Variants in EGFR observed in about 807,000 individuals in gnomAD.
The protein encoded by EGFR is avian erythroblastic leukemia viral (v-erb-b) oncogene homolog.
A neutral mutation model predicts 143.0 loss-of-function variants in EGFR; 58 were observed. The ratio of observed to expected loss-of-function variants is 0.41; its 90% confidence interval spans 0.33 to 0.50. The LOEUF (loss-of-function observed/expected upper bound fraction) is 0.50, where lower values mean the gene tolerates loss of function less well. Among genes scored for constraint, EGFR ranks in the 20% least tolerant of loss-of-function variants. EGFR has a pLI of 0.39. For missense variants in EGFR, 1,307 were observed against 1,579.0 expected (o/e 0.83, Z 2.92); for synonymous variants, 613 against 594.4 (o/e 1.03, Z -0.45).
At chr7:55,180,775 C>T (rs1288461047) in intron 19 of EGFR, 1 of 177,952 alleles carries the variant, frequency 5.6e-6, no homozygotes, top group African/African-American at 2.4e-5. Flanking sequence ...GCCTTTCTCC[C>T]TGCTGGCTCG....
chr7:55,164,356 G>A (rs1785861874), intron 14 of EGFR, among the ~76,000 whole-genome samples: 1 of 152,190 alleles, frequency 6.6e-6, no homozygotes. Context: ...AATTCTCAAT[G>A]TTATTATATA....
At chr7:55,181,956 T>C in intron 20 of EGFR, 1 of 243,050 alleles carries the variant, frequency 4.1e-6, no homozygotes, top group South Asian at 5.6e-5. Flanking sequence ...CAGCTGCTGC[T>C]GCTATGTGGC....
chr7:55,035,078 C>G (rs1787480866), intron 1 of EGFR, among the ~76,000 whole-genome samples: 1 of 152,058 alleles, frequency 6.6e-6, no homozygotes, highest in Admixed American at 6.5e-5. Context: ...AGGGAAGTGG[C>G]CTTCGAGCTT....
intron 1 of EGFR, among the ~76,000 whole-genome samples, chr7:55,029,616 C>T (rs941576136): frequency 1.3e-5 from 2 of 152,168 alleles, no homozygotes; most frequent in East Asian, 3.8e-4. Context: ...GTACCAAACA[C>T]ACTCAGTATT....
intron 15 of EGFR, 132 bp from the exon 16 acceptor site, chr7:55,171,043 A>C (rs1786325639): frequency 2.0e-6 from 3 of 1,521,548 alleles, no homozygotes; most frequent in Non-Finnish European, 2.6e-6. Flanking sequence ...TCCAACATCC[A>C]GACACATAGT....
chr7:55,138,950 C>T (rs1039665703), intron 1 of EGFR, among the ~76,000 whole-genome samples: 9 of 152,208 alleles, frequency 5.9e-5, no homozygotes, highest in African/African-American at 1.7e-4. Context: ...AGAGAAAAAG[C>T]GGGTTTAACT....
chr7:55,033,819 G>A (rs1787405658), intron 1 of EGFR, among the ~76,000 whole-genome samples: 1 of 152,194 alleles, frequency 6.6e-6, no homozygotes, highest in African/African-American at 2.4e-5. Context: ...CTTCCCTGGT[G>A]GGTCTCACTT....
At chr7:55,022,614 G>A (rs767379501) in intron 1 of EGFR, among the ~76,000 whole-genome samples, 1 of 152,120 alleles carries the variant, frequency 6.6e-6, no homozygotes, top group Non-Finnish European at 1.5e-5. Flanking sequence ...TTGAAGGGGG[G>A]GTGAGTTTTA....
At chr7:55,182,749 G>A (rs1076452) in intron 20 of EGFR, among the ~76,000 whole-genome samples, 84,665 of 151,962 alleles carry the variant, frequency 0.56, 24,227 homozygotes, top group Middle Eastern at 0.68. Context: ...AGTGGGGAGC[G>A]CTCATGCTTC....
Position 55,189,463 on chromosome 7 carries a change from G to A in EGFR, c.2470-2256G>A, listed in dbSNP as rs190911149. Among the ~76,000 whole-genome samples the A allele has an allele frequency of 3.5e-3, 537 of 152,308 alleles. 2 individuals carry two copies. Among genetic ancestry groups the A allele is most frequent in the African/African-American group, 8.8e-3 (364 of 41,562 alleles). On this transcript the variant is annotated intron_variant, in intron 20 of 27. Transcript: ENST00000275493. ...TCAGTTGTTCATTCTTCAACAGGCC[G>A]TTTTAAAAATGTGCCCAGTATACCA...
intron 15 of EGFR, chr7:55,170,188 G>A: frequency 6.4e-7 from 1 of 1,567,382 alleles, no homozygotes; most frequent in Non-Finnish European, 8.7e-7. Context: ...AAGAAGAGCA[G>A]TGTAGAGAAC....
intron 1 of EGFR, among the ~76,000 whole-genome samples, chr7:55,132,821 G>A (rs568681328): frequency 8.5e-5 from 13 of 152,136 alleles, no homozygotes; most frequent in Admixed American, 2.6e-4. Context: ...CTACCTTCGC[G>A]CTACTTTACT....
chr7:55,119,362 C>T (rs1793061816), intron 1 of EGFR: 1 of 152,210 alleles, frequency 6.6e-6, no homozygotes, highest in Admixed American at 6.5e-5. Context: ...GAAACCAACA[C>T]AATCTTCCGA....
At chr7:55,158,097 G>A (rs535260502) in intron 11 of EGFR, among the ~76,000 whole-genome samples, 3 of 152,126 alleles carry the variant, frequency 2.0e-5, no homozygotes, top group Non-Finnish European at 4.4e-5. Context: ...CTTACAAAAC[G>A]TGTGGGTCAG....
intron 1 of EGFR, among the ~76,000 whole-genome samples, chr7:55,093,842 A>G (rs1791279807): frequency 6.6e-6 from 1 of 152,192 alleles, no homozygotes; most frequent in Non-Finnish European, 1.5e-5. Flanking sequence ...TGCCTGAATC[A>G]TGCCTGGATG....
intron 1 of EGFR, among the ~76,000 whole-genome samples, chr7:55,099,116 G>A (rs558826266): frequency 3.3e-5 from 5 of 152,156 alleles, no homozygotes; most frequent in East Asian, 1.9e-4. Flanking sequence ...GTGCTCTCTC[G>A]TATCTCTCCT....
chr7:55,114,167 C>T (rs1199997250), intron 1 of EGFR, among the ~76,000 whole-genome samples: 1 of 152,194 alleles, frequency 6.6e-6, no homozygotes, highest in Non-Finnish European at 1.5e-5. Flanking sequence ...CATTTAGGAA[C>T]AATGATTATT....
In EGFR at chr7:55,048,159, A is replaced by G. The variant is rs186658661; in HGVS notation, c.88+28794A>G. Among the ~76,000 whole-genome samples the G allele has an allele frequency of 3.4e-3, 522 of 152,306 alleles. 2 individuals carry two copies. Among genetic ancestry groups the G allele is most frequent in the African/African-American group, 0.012 (508 of 41,558 alleles). On this transcript the variant is annotated intron_variant, in intron 1 of 27. Transcript: ENST00000275493. ...TGCTAATAAAGATGATAATAAAAAA[A>G]TCCTTAGACCCCCCCTCGGTTTGTT...
intron 1 of EGFR, among the ~76,000 whole-genome samples, chr7:55,064,054 G>T (rs1440793079): frequency 6.6e-6 from 1 of 151,874 alleles, no homozygotes; most frequent in Admixed American, 6.6e-5. Context: ...AGTCTTCCAT[G>T]GACTAAAAGA....
Sources: allele counts gnomAD v4.1 joint callset (sites outside exome capture counted in the v4.1 genomes callset), GRCh38; gene constraint gnomAD v4.1.1; transcripts MANE v1.5; gene names NCBI Gene and HGNC (gene_info 2026-07-23, HGNC 2026-07-21).